TRIO: variants seen among roughly 807,000 people sequenced by gnomAD.
TRIO encodes trio Rho guanine nucleotide exchange factor, also known as triple functional domain protein.
TRIO carries 58 observed loss-of-function variants against 351.9 expected under a neutral mutation model. The ratio of observed to expected loss-of-function variants is 0.16; its 90% CI spans 0.13 to 0.21. The LOEUF is 0.21. Ranked by LOEUF, TRIO falls within the 10% of genes least tolerant of loss-of-function variation. The pLI, the probability that TRIO is intolerant of heterozygous loss-of-function variation, is 1.00. For synonymous variants in TRIO, 1,758 were observed against 1,595.7 expected, an observed-to-expected ratio of 1.10 and a Z score of -2.42; for missense variants, 3,201 against 4,027.8, an observed-to-expected ratio of 0.79 and a Z score of 5.56.
intron 34 of TRIO, among the ~76,000 whole-genome samples, chr5:14,449,885 G>A (rs570958449): frequency 6.6e-6 from 1 of 152,084 alleles, no homozygotes; most frequent in African/African-American, 2.4e-5. Flanking sequence ...ATTTCTTCAC[G>A]TTTCTTTATT....
At chr5:14,492,923 G>C (rs561815513) in intron 49 of TRIO, 109 bp downstream of exon 49, 1 of 1,490,158 alleles carries the variant, frequency 6.7e-7, no homozygotes, top group Non-Finnish European at 9.0e-7. Context: ...GGAGATCTGC[G>C]CTGGTATGTT....
chr5:14,317,946 G>A (rs1184909214), intron 9 of TRIO, among the ~76,000 whole-genome samples: 1 of 152,112 alleles, frequency 6.6e-6, no homozygotes, highest in African/African-American at 2.4e-5. Context: ...GCCCAACATG[G>A]TGAAACCGTG....
At chr5:14,449,229 T>C (rs1277463454) in intron 34 of TRIO, among the ~76,000 whole-genome samples, 1 of 152,078 alleles carries the variant, frequency 6.6e-6, no homozygotes, top group Non-Finnish European at 1.5e-5. Flanking sequence ...TGGAAGGAAA[T>C]GGGAGATGAG....
At chr5:14,144,963 CG>C (rs1344932554) in intron 1 of TRIO, among the ~76,000 whole-genome samples, 1 of 151,976 alleles carries the variant, frequency 6.6e-6, no homozygotes, top group African/African-American at 2.4e-5. Context: ...CTTAGCGGGC[CG>C]GGCACGGGGC....
At chr5:14,281,588 T>C (rs1736011963) in intron 3 of TRIO, among the ~76,000 whole-genome samples, 1 of 152,134 alleles carries the variant, frequency 6.6e-6, no homozygotes, top group South Asian at 2.1e-4. Flanking sequence ...CATAATACCA[T>C]GCTGATATAA....
At chr5:14,208,267 G>C (rs1791665838) in intron 1 of TRIO, among the ~76,000 whole-genome samples, 1 of 152,146 alleles carries the variant, frequency 6.6e-6, no homozygotes, top group South Asian at 2.1e-4. Context: ...CCACCAACTG[G>C]AATGGATAAA....
At chr5:14,438,596 G>C (rs1317170464) in intron 34 of TRIO, among the ~76,000 whole-genome samples, 1 of 152,188 alleles carries the variant, frequency 6.6e-6, no homozygotes, top group Admixed American at 6.5e-5. Flanking sequence ...ACTAACCCCT[G>C]TGTCGTCTTC....
chr5:14,488,576 G>C, intron 48 of TRIO: 1 of 497,030 alleles, frequency 2.0e-6, no homozygotes, highest in South Asian at 3.5e-5. Flanking sequence ...CCTTCCTCAC[G>C]CACCTATTTT....
chr5:14,441,476 G>A (rs1166957609), intron 34 of TRIO: 3 of 153,492 alleles, frequency 2.0e-5, no homozygotes, highest in Non-Finnish European at 2.9e-5. Context: ...TTTGTGCTTG[G>A]AACCTGAAAC....
intron 2 of TRIO, among the ~76,000 whole-genome samples, chr5:14,278,074 A>G (rs1379698870): frequency 1.3e-5 from 2 of 152,218 alleles, no homozygotes; most frequent in African/African-American, 2.4e-5. Flanking sequence ...TCAGGTGTCT[A>G]TAAGCTTTTC....
At chr5:14,323,912 AATTAAC>A (rs1387603869) in intron 9 of TRIO, among the ~76,000 whole-genome samples, 3 of 152,232 alleles carry the variant, frequency 2.0e-5, no homozygotes, top group African/African-American at 4.8e-5. Context: ...CTTTAATAAA[AATTAAC>A]ATTATCTACG....
At chr5:14,207,429 C>G in intron 1 of TRIO, among the ~76,000 whole-genome samples, 4 of 77,162 alleles carry the variant, frequency 5.2e-5, no homozygotes, top group South Asian at 5.2e-4. Flanking sequence ...CACACACACA[C>G]ACGCAGCCAG....
chr5:14,207,523 T>TACACAC (rs113435385), intron 1 of TRIO, among the ~76,000 whole-genome samples: 3,899 of 52,712 alleles, frequency 0.074, 800 homozygotes, highest in East Asian at 0.11. Flanking sequence ...ACTGTCTCTC[T>TACACAC]ACACACACAC....
intron 1 of TRIO, among the ~76,000 whole-genome samples, chr5:14,259,623 A>G (rs1795227132): frequency 6.6e-6 from 1 of 152,210 alleles, no homozygotes; most frequent in Non-Finnish European, 1.5e-5. Context: ...CAGCATCAGT[A>G]TAATCCTGAG....
At chr5:14,199,839 A>G (rs980371112) in intron 1 of TRIO, among the ~76,000 whole-genome samples, 2 of 152,166 alleles carry the variant, frequency 1.3e-5, no homozygotes, top group Non-Finnish European at 2.9e-5. Context: ...TTCAGTTGGA[A>G]GTAAGGCTGT....
intron 3 of TRIO, among the ~76,000 whole-genome samples, chr5:14,284,236 G>T (rs1736255554): frequency 6.6e-6 from 1 of 151,942 alleles, no homozygotes; most frequent in Non-Finnish European, 1.5e-5. Flanking sequence ...GAGGCTCTTT[G>T]GTAAAAATGC....
At chr5:14,485,849 G>C (rs1483832418) in intron 47 of TRIO, among the ~76,000 whole-genome samples, 1 of 152,124 alleles carries the variant, frequency 6.6e-6, no homozygotes, top group Admixed American at 6.6e-5. Flanking sequence ...TTAGCCGGGC[G>C]TGGTGGCGCA....
intron 34 of TRIO, among the ~76,000 whole-genome samples, chr5:14,449,392 G>A (rs566808293): frequency 1.3e-5 from 2 of 152,256 alleles, no homozygotes; most frequent in South Asian, 4.2e-4. Flanking sequence ...ACATCGACGC[G>A]GCCAGCCTCC....
chr5:14,412,882 C>T (rs1749320683), intron 33 of TRIO, among the ~76,000 whole-genome samples: 1 of 152,240 alleles, frequency 6.6e-6, no homozygotes, highest in East Asian at 1.9e-4. Context: ...AAACCTCTGG[C>T]CTCTGCCTCA....
Sources: allele counts gnomAD v4.1 joint callset (sites outside exome capture counted in the v4.1 genomes callset), GRCh38; gene constraint gnomAD v4.1.1; transcripts MANE v1.5; gene names NCBI Gene and HGNC (gene_info 2026-07-23, HGNC 2026-07-21).